Variants in FRMD4A observed in about 807,000 individuals in gnomAD.
FRMD4A encodes the protein FERM domain containing 4A.
A neutral mutation model predicts 129.1 loss-of-function variants in FRMD4A; 29 were observed. That is an observed-to-expected ratio of 0.22 (90% confidence interval 0.17 to 0.31). FRMD4A has a LOEUF of 0.31. FRMD4A is among the 10% of genes least tolerant of loss of function. FRMD4A has a pLI of 1.00. For synonymous variants in FRMD4A, 634 were observed against 571.6 expected (o/e 1.11, Z -1.56); for missense variants, 1,272 against 1,375.8 (o/e 0.92, Z 1.19).
chr10:13,793,765 C>G (rs952819385), intron 5 of FRMD4A, among the ~76,000 whole-genome samples: 1 of 152,176 alleles, frequency 6.6e-6, no homozygotes, highest in Admixed American at 6.5e-5. Flanking sequence ...TCTCTTACCA[C>G]TCCTTTGGAG....
intron 2 of FRMD4A, among the ~76,000 whole-genome samples, chr10:14,228,761 CTT>C (rs1322643951): frequency 6.9e-6 from 1 of 145,010 alleles, no homozygotes. Context: ...TATTTGTTTG[CTT>C]TTTTTTTTTA....
chr10:13,835,836 T>C (rs565414644), intron 3 of FRMD4A, among the ~76,000 whole-genome samples: 2 of 152,100 alleles, frequency 1.3e-5, no homozygotes, highest in South Asian at 2.1e-4. Context: ...CCCCAAACCA[T>C]CCCCCTCCCC....
chr10:13,907,885 G>A (rs1177009604), intron 2 of FRMD4A, among the ~76,000 whole-genome samples: 1 of 150,386 alleles, frequency 6.6e-6, no homozygotes, highest in African/African-American at 2.4e-5. Context: ...GCACAGATAG[G>A]CCGGGTGCAG....
intron 2 of FRMD4A, among the ~76,000 whole-genome samples, chr10:14,198,349 G>A (rs1842532069): frequency 6.6e-6 from 1 of 152,214 alleles, no homozygotes; most frequent in African/African-American, 2.4e-5. Flanking sequence ...TGAGGCAACT[G>A]CCATGCAATT....
intron 3 of FRMD4A, among the ~76,000 whole-genome samples, chr10:13,815,496 T>C (rs1015700867): frequency 3.3e-5 from 5 of 152,292 alleles, no homozygotes; most frequent in South Asian, 2.1e-4. Context: ...TGACATTGTG[T>C]ATGCATTTGA....
intron 8 of FRMD4A, among the ~76,000 whole-genome samples, chr10:13,756,567 G>A (rs1033209311): frequency 1.3e-5 from 2 of 152,090 alleles, no homozygotes; most frequent in Non-Finnish European, 2.9e-5. Context: ...GTTTTGTCAC[G>A]TTGCCCTGGC....
chr10:13,750,109 G>GAAAGAAAGAAAGAAAGAAAGA (rs59377985), intron 8 of FRMD4A, among the ~76,000 whole-genome samples: 6 of 73,564 alleles, frequency 8.2e-5, no homozygotes, highest in Admixed American at 3.0e-4. Context: ...AGAAAGAAAT[G>GAAAGAAAGAAAGAAAGAAAGA]AAGAAAGAAA....
At chr10:13,822,677 C>T (rs1159314273) in intron 3 of FRMD4A, among the ~76,000 whole-genome samples, 1 of 152,148 alleles carries the variant, frequency 6.6e-6, no homozygotes, top group Admixed American at 6.5e-5. Context: ...GTCGCATGCT[C>T]ACTGATGCCA....
chr10:13,762,404 T>C (rs757236015), intron 7 of FRMD4A, among the ~76,000 whole-genome samples: 1 of 152,198 alleles, frequency 6.6e-6, no homozygotes, highest in Non-Finnish European at 1.5e-5. Context: ...AACTTCGCTT[T>C]ACAGGGATTT....
At chr10:13,701,520 G>T in intron 13 of FRMD4A, 42 bp from the exon 14 acceptor site, 1 of 1,582,802 alleles carries the variant, frequency 6.3e-7, no homozygotes, top group Non-Finnish European at 8.6e-7. Flanking sequence ...CATTTCTGTT[G>T]AGAGAAACCA....
At chr10:13,660,658 A>C in intron 19 of FRMD4A, 105 bp from the exon 20 acceptor site, 1 of 703,788 alleles carries the variant, frequency 1.4e-6, no homozygotes, top group South Asian at 1.8e-5. Flanking sequence ...CACACAGCCA[A>C]ACCCACACCT....
intron 2 of FRMD4A, among the ~76,000 whole-genome samples, chr10:13,871,620 G>A (rs948495581): frequency 2.0e-5 from 3 of 152,174 alleles, no homozygotes; most frequent in Non-Finnish European, 2.9e-5. Flanking sequence ...TGAGGAAGCC[G>A]CTGACTCTGC....
intron 2 of FRMD4A, among the ~76,000 whole-genome samples, chr10:13,873,920 G>T (rs1564951948): frequency 6.6e-6 from 1 of 152,032 alleles, no homozygotes; most frequent in South Asian, 2.1e-4. Flanking sequence ...AAAGCAAGAA[G>T]AGCAAGGAAG....
At chr10:13,654,323 C>T (rs893313826) in intron 23 of FRMD4A, 93 bp downstream of exon 23, 1 of 861,888 alleles carries the variant, frequency 1.2e-6, no homozygotes, top group Non-Finnish European at 2.0e-6. Flanking sequence ...CCCTCATCAT[C>T]CATTTACTGA....
intron 2 of FRMD4A, among the ~76,000 whole-genome samples, chr10:14,313,005 G>A (rs1846609181): frequency 6.6e-6 from 1 of 152,304 alleles, no homozygotes; most frequent in African/African-American, 2.4e-5. Flanking sequence ...AGGAAACCTG[G>A]TTTTAATGTA....
intron 2 of FRMD4A, among the ~76,000 whole-genome samples, chr10:13,927,262 G>A (rs201216703): frequency 1.1e-3 from 146 of 133,332 alleles, no homozygotes; most frequent in African/African-American, 3.6e-3. Flanking sequence ...CAAAAAAAAA[G>A]AAAAAAAAAA....
chr10:14,181,389 C>G (rs1195995407), intron 2 of FRMD4A, among the ~76,000 whole-genome samples: 1 of 152,116 alleles, frequency 6.6e-6, no homozygotes, highest in African/African-American at 2.4e-5. Context: ...CCCGTGTTTG[C>G]TCAGAAGACC....
intron 2 of FRMD4A, among the ~76,000 whole-genome samples, chr10:13,896,510 G>A (rs2094760168): frequency 6.6e-6 from 1 of 151,910 alleles, no homozygotes; most frequent in African/African-American, 2.4e-5. Flanking sequence ...CACACACCAG[G>A]GCCTGTCAGG....
intron 2 of FRMD4A, among the ~76,000 whole-genome samples, chr10:14,166,710 G>A (rs114824959): frequency 0.018 from 2,799 of 152,262 alleles, 69 homozygotes; most frequent in African/African-American, 0.057. Flanking sequence ...TAGGAAAAGG[G>A]CAACGAAATG....
Sources: gnomAD v4.1 joint callset for allele counts (sites outside exome capture counted in the v4.1 genomes callset) on GRCh38, gnomAD v4.1.1 for gene constraint, MANE v1.5 for transcripts, NCBI Gene and HGNC (gene_info 2026-07-23, HGNC 2026-07-21) for gene names.